PRKCE: variants seen among roughly 807,000 people sequenced by gnomAD.
PRKCE encodes the protein protein kinase C epsilon.
In PRKCE, 16 loss-of-function variants were observed where a neutral mutation model predicts 85.4. The ratio of observed to expected loss-of-function variants is 0.19; its 90% CI spans 0.13 to 0.28. The LOEUF is 0.28. Among genes scored for constraint, PRKCE ranks in the 10% least tolerant of loss-of-function variants. The pLI is 1.00. For synonymous variants in PRKCE, 388 were observed against 371.5 expected, an observed-to-expected ratio of 1.04 and a Z score of -0.51; for missense variants, 573 against 975.2, an observed-to-expected ratio of 0.59 and a Z score of 5.49.
chr2:46,161,823 T>G (rs870141), intron 14 of PRKCE, among the ~76,000 whole-genome samples: 123,832 of 152,074 alleles, frequency 0.81, 50,836 homozygotes, highest in East Asian at 0.97. Flanking sequence ...AGCCCTTCCC[T>G]TCACAGGAAT....
chr2:46,114,847 A>G (rs1478523218), intron 11 of PRKCE, among the ~76,000 whole-genome samples: 4 of 152,210 alleles, frequency 2.6e-5, no homozygotes, highest in Non-Finnish European at 5.9e-5. Context: ...GTGTGGTTGA[A>G]TAGAGCAATT....
At chr2:45,872,994 G>A (rs1339020290) in intron 2 of PRKCE, among the ~76,000 whole-genome samples, 1 of 152,192 alleles carries the variant, frequency 6.6e-6, no homozygotes, top group Non-Finnish European at 1.5e-5. Flanking sequence ...TCTTCTGAAG[G>A]GGAAAGTCAA....
At chr2:45,971,397 T>C (rs1170200474) in intron 2 of PRKCE, among the ~76,000 whole-genome samples, 1 of 152,212 alleles carries the variant, frequency 6.6e-6, no homozygotes, top group Admixed American at 6.5e-5. Context: ...TATTTTCTTC[T>C]TTTTTTCGTT....
chr2:46,179,370 CCA>C (rs1418604378), intron 14 of PRKCE, among the ~76,000 whole-genome samples: 1 of 152,068 alleles, frequency 6.6e-6, no homozygotes, highest in Non-Finnish European at 1.5e-5. Flanking sequence ...CCCAACACCA[CCA>C]CAGCCGCTGA....
chr2:46,027,058 A>G (rs1707167806), intron 10 of PRKCE, among the ~76,000 whole-genome samples: 2 of 152,082 alleles, frequency 1.3e-5, no homozygotes, highest in Non-Finnish European at 2.9e-5. Flanking sequence ...TGTCCCAGCT[A>G]CTCTGGAGGC....
chr2:45,993,389 C>G (rs956831694), intron 6 of PRKCE, among the ~76,000 whole-genome samples: 1 of 152,190 alleles, frequency 6.6e-6, no homozygotes. Context: ...AAGTCACTAT[C>G]TCACATCGTG....
chr2:45,792,954 A>G (rs1687148219), intron 1 of PRKCE, among the ~76,000 whole-genome samples: 1 of 152,040 alleles, frequency 6.6e-6, no homozygotes, highest in South Asian at 2.1e-4. Context: ...ACCCGCCACC[A>G]CTTCTGGCTA....
chr2:45,779,022 CTACTT>C (rs1249117833), intron 1 of PRKCE, among the ~76,000 whole-genome samples: 1 of 152,158 alleles, frequency 6.6e-6, no homozygotes, highest in African/African-American at 2.4e-5. Context: ...GGAGTTTTAC[CTACTT>C]TACTTTGACT....
At chr2:45,901,234 C>T (rs983308125) in intron 2 of PRKCE, among the ~76,000 whole-genome samples, 3 of 152,148 alleles carry the variant, frequency 2.0e-5, no homozygotes, top group African/African-American at 7.2e-5. Context: ...GCTTACAAAA[C>T]CGTCTGTGTT....
At chr2:45,900,761 A>G (rs1696515447) in intron 2 of PRKCE, among the ~76,000 whole-genome samples, 1 of 152,256 alleles carries the variant, frequency 6.6e-6, no homozygotes, top group Non-Finnish European at 1.5e-5. Flanking sequence ...TTACCATTTT[A>G]ACCACGTTTG....
chr2:46,092,157 T>A (rs1670227382), intron 11 of PRKCE, among the ~76,000 whole-genome samples: 1 of 152,208 alleles, frequency 6.6e-6, no homozygotes, highest in Admixed American at 6.5e-5. Context: ...AAAAGGTAGC[T>A]GAGAGTGATT....
intron 11 of PRKCE, among the ~76,000 whole-genome samples, chr2:46,102,008 C>T (rs546356720): frequency 6.6e-6 from 1 of 152,082 alleles, no homozygotes; most frequent in Admixed American, 6.5e-5. Flanking sequence ...ACAATCTGCT[C>T]TTGTGAGCTG....
intron 1 of PRKCE, among the ~76,000 whole-genome samples, chr2:45,824,073 C>T (rs921999858): frequency 6.6e-6 from 1 of 152,220 alleles, no homozygotes; most frequent in African/African-American, 2.4e-5. Context: ...GTGCTGACTG[C>T]ACTCCCAGCT....
At chr2:45,881,608 G>C (rs1277191947) in intron 2 of PRKCE, among the ~76,000 whole-genome samples, 1 of 152,212 alleles carries the variant, frequency 6.6e-6, no homozygotes, top group Non-Finnish European at 1.5e-5. Context: ...TTTTAACTAT[G>C]TGATGTTTAT....
intron 2 of PRKCE, among the ~76,000 whole-genome samples, chr2:45,932,596 G>T (rs1699123241): frequency 6.6e-6 from 1 of 152,124 alleles, no homozygotes; most frequent in Non-Finnish European, 1.5e-5. Context: ...ATATTTAGCT[G>T]TTCTGGTGGG....
chr2:45,867,251 C>G (rs73928838), intron 2 of PRKCE, among the ~76,000 whole-genome samples: 19 of 152,328 alleles, frequency 1.2e-4, no homozygotes, highest in African/African-American at 4.6e-4. Context: ...TTTTCTTGTT[C>G]TGAGCCTTGC....
intron 2 of PRKCE, among the ~76,000 whole-genome samples, chr2:45,916,235 G>A (rs1487508617): frequency 1.3e-5 from 2 of 151,184 alleles, no homozygotes; most frequent in African/African-American, 4.9e-5. Flanking sequence ...TATATGCACT[G>A]AGAAATTTTT....
chr2:45,661,528 TTG>T (rs1483010753), intron 1 of PRKCE, among the ~76,000 whole-genome samples: 32 of 127,520 alleles, frequency 2.5e-4, no homozygotes, highest in African/African-American at 9.0e-4. Flanking sequence ...TTTTTGTTTT[TTG>T]TTTTTTTTTT....
At chr2:46,059,744 A>AAT (rs1202985338) in intron 10 of PRKCE, among the ~76,000 whole-genome samples, 1 of 152,110 alleles carries the variant, frequency 6.6e-6, no homozygotes, top group Non-Finnish European at 1.5e-5. Context: ...TCAAGGCTGT[A>AAT]ATGAGCTATG....
Sources: gnomAD v4.1 joint callset for allele counts (sites outside exome capture counted in the v4.1 genomes callset) on GRCh38, gnomAD v4.1.1 for gene constraint, MANE v1.5 for transcripts, NCBI Gene and HGNC (gene_info 2026-07-23, HGNC 2026-07-21) for gene names.